The following AGAP1 variants were observed in gnomAD, a reference collection of about 807,000 sequenced individuals.
AGAP1 encodes the protein ArfGAP with GTPase domain, ankyrin repeat and PH domain 1, also known as arf-GAP with GTPase, ANK repeat and PH domain-containing protein 1.
In AGAP1, 29 loss-of-function variants were observed where a neutral mutation model predicts 105.3. The ratio of observed to expected loss-of-function variants is 0.28; its 90% CI spans 0.21 to 0.38. The LOEUF (loss-of-function observed/expected upper bound fraction) is 0.38, where lower values mean the gene tolerates loss of function less well. AGAP1 is among the 10% of genes least tolerant of loss of function. The pLI, the probability that AGAP1 is intolerant of heterozygous loss-of-function variation, is 1.00. For synonymous variants in AGAP1, 509 were observed against 485.9 expected (o/e 1.05, Z -0.63); for missense variants, 998 against 1,165.1 (o/e 0.86, Z 2.09).
In AGAP1 at chr2:236,076,701, A is replaced by G. The variant is rs191062878; in HGVS notation, c.2114+27420A>G. Among the ~76,000 whole-genome samples the G allele has an allele frequency of 4.6e-5, 7 of 152,312 alleles. No individual in the cohort carries two copies. The East Asian group carries it at 9.7e-4, about 21-fold the overall frequency. On this transcript the variant is annotated intron_variant, in intron 16 of 17. Transcript: ENST00000304032. The surrounding 1 kb of genome is among the most constrained non-coding windows in gnomAD (Gnocchi z 4.4). ...GTGGCACTTAATAATTTCCCAAACC[A>G]CTAAAGAGGGAAGCCCCAGCGCTAT...
In AGAP1 at chr2:235,842,720, T is replaced by G. The variant is rs1961007155; in HGVS notation, c.1050+35389T>G. The stretch of plus-strand genomic sequence containing the variant: ...GTTTTCATCCCATGTGTCAGGTTTG[T>G]TTTTTTTGTTTTGTTTTGTTTTTTT... On this transcript the variant is annotated intron_variant, in intron 9 of 17. Transcript: ENST00000304032. The surrounding 1 kb of genome is among the most constrained non-coding windows in gnomAD (Gnocchi z 5.3). 6.6e-6 allele frequency among the ~76,000 whole-genome samples: 1 copy of G among 151,492 alleles called. No homozygotes were observed. The highest frequency in any genetic ancestry group is 1.5e-5 in the Non-Finnish European group (1 of 67,986).
chr2:235,811,547 T>C (rs1449904594), intron 9 of AGAP1, among the ~76,000 whole-genome samples: 2 of 152,252 alleles, frequency 1.3e-5, no homozygotes, highest in Non-Finnish European at 2.9e-5. Context: ...TTTCTTCCTT[T>C]TTCAGACAGG....
chr2:235,907,418 C>T (rs1351085128), intron 10 of AGAP1, among the ~76,000 whole-genome samples: 1 of 152,114 alleles, frequency 6.6e-6, no homozygotes, highest in East Asian at 1.9e-4. Context: ...CCAGCCTGGG[C>T]AACCTAGCAA....
rs921317314 is a variant in AGAP1 at position 236,001,983 on chromosome 2, C to G, written c.1645+33360C>G. On this transcript the variant is annotated intron_variant, in intron 13 of 17. Transcript: ENST00000304032. The surrounding 1 kb of genome is among the most constrained non-coding windows in gnomAD (Gnocchi z 4.7). ...ACATCTCTGCCTGATTGGAAGCTTG[C>G]GTTGCACATTCAGCCCACGCCTCCA... 6.6e-6 allele frequency among the ~76,000 whole-genome samples: 1 copy of G among 152,194 alleles called. No individual in the cohort carries two copies. The highest frequency in any genetic ancestry group is 2.4e-5 in the African/African-American group (1 of 41,438).
At chr2:235,909,258 G>A (rs1037824338) in intron 11 of AGAP1, among the ~76,000 whole-genome samples, 2 of 152,202 alleles carry the variant, frequency 1.3e-5, no homozygotes. Context: ...TCTGATAACT[G>A]TATGTATGAA....
At position 235,537,529 on chromosome 2, in the gene AGAP1, A is replaced by C. The variant is rs549899147; in HGVS notation, c.163+42680A>C. ...AGAGGACAGCACCATGGTAACATGC[A>C]CTTGTGTTCATGTCTTGGCTGCCCC... On this transcript the variant is annotated intron_variant, in intron 1 of 17. Transcript: ENST00000304032. 1.5e-4 allele frequency among the ~76,000 whole-genome samples: 23 copies of C among 152,328 alleles called. No homozygotes were observed. The East Asian group carries it at 3.5e-3, about 23-fold the overall frequency.
chr2:236,109,225 C>T lies in AGAP1; in HGVS notation c.2115-10967C>T, dbSNP rs2059583767. Among the ~76,000 whole-genome samples, 2 of 152,166 alleles carry T rather than the reference C, an allele frequency of 1.3e-5. No individual in the cohort carries two copies. Among genetic ancestry groups the T allele is most frequent in the Admixed American group, 1.3e-4 (2 of 15,264 alleles). On this transcript the variant is annotated intron_variant, in intron 16 of 17. Coordinates refer to ENST00000304032, the MANE Select transcript of AGAP1 (RefSeq NM_001037131.3). The surrounding 1 kb of genome is among the most constrained non-coding windows in gnomAD (Gnocchi z 5.4). ...TTTGCCAGTGCATAGATGACAGTGC[C>T]ACCAGCAGTGACCAAGCTCACCTCT...
intron 1 of AGAP1, among the ~76,000 whole-genome samples, chr2:235,651,362 A>G (rs975323702): frequency 3.9e-5 from 6 of 152,116 alleles, no homozygotes; most frequent in Admixed American, 3.9e-4. Context: ...TGTTCTTAAC[A>G]TGTTTTGTTT....
In AGAP1 at chr2:235,900,402, G is replaced by A. The variant is rs2051011691; in HGVS notation, c.1156-8336G>A. 1.3e-5 allele frequency among the ~76,000 whole-genome samples: 2 copies of A among 151,108 alleles called. No individual in the cohort carries two copies. The highest frequency in any genetic ancestry group is 3.0e-5 in the Non-Finnish European group (2 of 67,734). ...GAATTGTTGTTGTGTCTCGGTGGCAGCATTTCTCCCTCTGGAACTAAGACC... is the reference window on the plus strand; with the variant it reads ...GAATTGTTGTTGTGTCTCGGTGGCAACATTTCTCCCTCTGGAACTAAGACC... On this transcript the variant is annotated intron_variant, in intron 10 of 17. Transcript: ENST00000304032. The surrounding 1 kb of genome is among the most constrained non-coding windows in gnomAD (Gnocchi z 5.5).
At chr2:235,675,426 G>T (rs1575096337) in intron 1 of AGAP1, among the ~76,000 whole-genome samples, 1 of 151,990 alleles carries the variant, frequency 6.6e-6, no homozygotes, top group Non-Finnish European at 1.5e-5. Flanking sequence ...TGATACACCC[G>T]CCTCAGCCTC....
Position 235,629,056 on chromosome 2 carries a change from C to T in AGAP1, c.164-80123C>T, listed in dbSNP as rs183623686. 5.9e-5 allele frequency among the ~76,000 whole-genome samples: 9 copies of T among 152,178 alleles called. No individual in the cohort carries two copies. The East Asian group carries it at 1.2e-3, about 20-fold the overall frequency. ...CAAACTCCTGACCTCATGATCCAGC[C>T]GCCTTGGCCTCCCAAAGTGCTGGGA... is the stretch of plus-strand genomic sequence containing the variant. On this transcript the variant is annotated intron_variant, in intron 1 of 17. Transcript: ENST00000304032.
At chr2:235,539,082 G>A (rs567946063) in intron 1 of AGAP1, among the ~76,000 whole-genome samples, 15 of 152,286 alleles carry the variant, frequency 9.8e-5, no homozygotes, top group Admixed American at 7.2e-4. Flanking sequence ...AAGAGAACCC[G>A]TGCCTACCTG....
chr2:235,621,902 C>A lies in AGAP1; in HGVS notation c.164-87277C>A, dbSNP rs949180651. On this transcript the variant is annotated intron_variant, in intron 1 of 17. Transcript: ENST00000304032. This position sits in a 1 kb window ranked among gnomAD's most constrained non-coding sequence, Gnocchi z 4.1. ...CGATCGGAAGGGAGTGCCGCGCAGA[C>A]CCCCCCACCCCCTCAGAACAGCGGC... is the stretch of plus-strand genomic sequence containing the variant. Among the ~76,000 whole-genome samples the A allele has an allele frequency of 1.7e-5, 1 of 59,150 alleles. No individual in the cohort carries two copies. The highest frequency in any genetic ancestry group is 3.8e-5 in the African/African-American group (1 of 26,046). 38.8% of individuals were successfully genotyped at this position (59,150 alleles called of 152,430 possible).
chr2:236,024,889 GCTAA>G (rs1239763068), intron 13 of AGAP1, among the ~76,000 whole-genome samples: 3 of 152,214 alleles, frequency 2.0e-5, no homozygotes, highest in African/African-American at 4.8e-5. Context: ...CCTTTCCACA[GCTAA>G]CTGTTAAACA....
intron 1 of AGAP1, among the ~76,000 whole-genome samples, chr2:235,547,913 G>A (rs1164879145): frequency 6.6e-6 from 1 of 152,220 alleles, no homozygotes; most frequent in Non-Finnish European, 1.5e-5. Context: ...GTGTCTGTGC[G>A]TTGAACAGAA....
chr2:235,553,818 G>A lies in AGAP1; in HGVS notation c.163+58969G>A, dbSNP rs140542700. 3.9e-5 allele frequency among the ~76,000 whole-genome samples: 6 copies of A among 152,168 alleles called. No homozygotes were observed. Among genetic ancestry groups the A allele is most frequent in the Non-Finnish European group, 5.9e-5 (4 of 68,010 alleles). On this transcript the variant is annotated intron_variant, in intron 1 of 17. Transcript: ENST00000304032. This position sits in a 1 kb window ranked among gnomAD's most constrained non-coding sequence, Gnocchi z 4.5. ...CTCCTCATGCTGAGCAACTGACGTC[G>A]TATTTCCACCCGACAATGGCTTGAT...
In AGAP1 at chr2:235,724,802, C is replaced by CA. The variant is rs1194362086; in HGVS notation, c.310+7159dup. Among the ~76,000 whole-genome samples, 3 of 152,126 alleles carry CA rather than the reference C, an allele frequency of 2.0e-5. No homozygotes were observed. The highest frequency in any genetic ancestry group is 4.4e-5 in the Non-Finnish European group (3 of 68,024). On this transcript the variant is annotated intron_variant, in intron 3 of 17. Transcript: ENST00000304032. This position sits in a 1 kb window ranked among gnomAD's most constrained non-coding sequence, Gnocchi z 4.9. ...GAAAGTCGAGTTTCTGAGCATAAGT[C>CA]ATAGGAAATTCTCAAACATACTTTT...
chr2:235,995,065 CAAAAAAAAAAAAAAAAAA>C (rs58097220), intron 13 of AGAP1, among the ~76,000 whole-genome samples: 2 of 60,944 alleles, frequency 3.3e-5, no homozygotes, highest in Admixed American at 2.9e-4. Flanking sequence ...GACTCTGTCT[CAAAAAAAAAAAAAAAAAA>C]AAAAAAAAAA....
At chr2:235,907,622 AT>A (rs1359799041) in intron 10 of AGAP1, among the ~76,000 whole-genome samples, 3 of 152,034 alleles carry the variant, frequency 2.0e-5, no homozygotes, top group Non-Finnish European at 4.4e-5. Flanking sequence ...TCCAAGAGTA[AT>A]TTTCAAATAC....
Sources: allele counts gnomAD v4.1 joint callset (sites outside exome capture counted in the v4.1 genomes callset), GRCh38; gene constraint gnomAD v4.1.1; non-coding constraint Gnocchi (gnomAD v3.1); transcripts MANE v1.5; gene names NCBI Gene and HGNC (gene_info 2026-07-23, HGNC 2026-07-21).